The following PDE8B variants were observed in gnomAD, a reference collection of about 807,000 sequenced individuals.
The protein encoded by PDE8B is high affinity cAMP-specific and IBMX-insensitive 3',5'-cyclic phosphodiesterase 8B.
PDE8B carries 26 observed loss-of-function variants against 101.3 expected under a neutral mutation model. The observed-to-expected ratio is 0.26, with a 90% CI of 0.19 to 0.36. The LOEUF is 0.36. Ranked by LOEUF, PDE8B falls within the 10% of genes least tolerant of loss-of-function variation. The pLI, the probability that PDE8B is intolerant of heterozygous loss-of-function variation, is 1.00. For synonymous variants in PDE8B, 424 were observed against 429.3 expected, an observed-to-expected ratio of 0.99 and a Z score of 0.15; for missense variants, 810 against 1,163.1, an observed-to-expected ratio of 0.70 and a Z score of 4.42.
At chr5:77,248,565 C>T (rs1757432762) in intron 1 of PDE8B, among the ~76,000 whole-genome samples, 3 of 152,112 alleles carry the variant, frequency 2.0e-5, no homozygotes, top group South Asian at 2.1e-4. Context: ...GGAAAAAGTC[C>T]GTGTGTACCT....
chr5:77,418,799 C>T (rs1023808955), intron 18 of PDE8B, among the ~76,000 whole-genome samples: 5 of 152,150 alleles, frequency 3.3e-5, no homozygotes, highest in Admixed American at 6.5e-5. Flanking sequence ...GCTCAATTTC[C>T]GGCCGCTTAA....
chr5:77,255,107 G>C (rs1028331408), intron 1 of PDE8B, among the ~76,000 whole-genome samples: 2 of 152,110 alleles, frequency 1.3e-5, no homozygotes, highest in African/African-American at 4.8e-5. Flanking sequence ...CAACTTTTCA[G>C]CCCCTTCTTT....
intron 1 of PDE8B, among the ~76,000 whole-genome samples, chr5:77,304,937 T>A (rs372377423): frequency 6.6e-6 from 1 of 152,194 alleles, no homozygotes; most frequent in East Asian, 1.9e-4. Context: ...GCTGTCAATG[T>A]CTGGGTCCAG....
chr5:77,137,179 G>A, the PDE8B span, among the ~76,000 whole-genome samples: 5 of 152,164 alleles, frequency 3.3e-5, no homozygotes, highest in African/African-American at 7.2e-5. Flanking sequence ...GGAGAGATAA[G>A]GTCTTTTCTC....
chr5:77,213,910 C>T (rs1403717097), intron 1 of PDE8B: 1 of 146,242 alleles, frequency 6.8e-6, no homozygotes, highest in Non-Finnish European at 1.5e-5. Context: ...TTCCTGAATA[C>T]CTAATTTGCA....
chr5:77,257,944 C>G lies in PDE8B; in HGVS notation c.339+46680C>G, dbSNP rs147938744. ...GCAATTTGGGGAAAAATATTCAGGG[C>G]AAAAGAAAAGTGCAAGGATCCTGAG... On this transcript the variant is annotated intron_variant, in intron 1 of 21. Coordinates refer to ENST00000264917, the MANE Select transcript of PDE8B (RefSeq NM_003719.5). Among the ~76,000 whole-genome samples the G allele has an allele frequency of 2.0e-3, 309 of 152,124 alleles. 1 individual carries two copies. The highest frequency in any genetic ancestry group is 6.5e-3 in the African/African-American group (271 of 41,506).
chr5:77,168,493 T>G, the PDE8B span, among the ~76,000 whole-genome samples: 1 of 152,206 alleles, frequency 6.6e-6, no homozygotes, highest in Admixed American at 6.5e-5. Context: ...TGTGCCCTGG[T>G]GGGACCCCAC....
chr5:77,426,298 TAG>T, intron 21 of PDE8B, 145 bp from the exon 22 acceptor site: 8 of 683,612 alleles, frequency 1.2e-5, no homozygotes. Context: ...TTTCAGAAAC[TAG>T]TGTTTAATGA....
intron 10 of PDE8B, among the ~76,000 whole-genome samples, chr5:77,368,816 T>C (rs1784565809): frequency 6.6e-6 from 1 of 152,226 alleles, no homozygotes; most frequent in African/African-American, 2.4e-5. Flanking sequence ...CCTGTTCTAT[T>C]CTACTCTTAT....
the PDE8B span, among the ~76,000 whole-genome samples, chr5:77,171,037 G>C: frequency 6.6e-6 from 1 of 152,194 alleles, no homozygotes; most frequent in Non-Finnish European, 1.5e-5. Context: ...CGAATCAGGA[G>C]TATATGATAT....
At chr5:77,310,716 G>T (rs1361787488) in intron 1 of PDE8B, among the ~76,000 whole-genome samples, 1 of 152,156 alleles carries the variant, frequency 6.6e-6, no homozygotes, top group Non-Finnish European at 1.5e-5. Flanking sequence ...AGGAACCTCA[G>T]ATGAGCAGTC....
chr5:77,118,394 T>C, the PDE8B span: 3 of 398,578 alleles, frequency 7.5e-6, no homozygotes, highest in Admixed American at 1.3e-4. Flanking sequence ...GGAGCTTCTC[T>C]CTCAGCCTCA....
the PDE8B span, among the ~76,000 whole-genome samples, chr5:77,123,365 G>A: frequency 3.5e-5 from 3 of 85,702 alleles, no homozygotes; most frequent in Non-Finnish European, 5.5e-5. Context: ...CTCCCCCACC[G>A]CCCCCCGCTT....
intron 20 of PDE8B, 54 bp from the exon 21 acceptor site, chr5:77,425,713 C>T (rs1045338127): frequency 1.9e-6 from 3 of 1,580,766 alleles, no homozygotes; most frequent in Non-Finnish European, 2.6e-6. Context: ...CAGGATATTA[C>T]TGTGAAAGTG....
intron 5 of PDE8B, among the ~76,000 whole-genome samples, chr5:77,334,580 G>T (rs1329443083): frequency 6.6e-6 from 1 of 152,200 alleles, no homozygotes; most frequent in Non-Finnish European, 1.5e-5. Context: ...CTTTTGTGGA[G>T]TAGGAAGTGG....
In PDE8B at chr5:77,324,123, A is replaced by G. The variant is rs184699659; in HGVS notation, c.400-1416A>G. On this transcript the variant is annotated intron_variant, in intron 2 of 21. Transcript: ENST00000264917. The stretch of plus-strand genomic sequence containing the variant: ...CTTCATGTTGAGAAACTACCCTTCT[A>G]TTGTTAATTATTTAAACCAGACGTG... Among the ~76,000 whole-genome samples the G allele has an allele frequency of 9.9e-5, 15 of 152,212 alleles. No homozygotes were observed. In the East Asian group the frequency reaches 2.9e-3, roughly 29 times the overall value.
chr5:77,259,526 G>A (rs1349436087), intron 1 of PDE8B, among the ~76,000 whole-genome samples: 5 of 152,142 alleles, frequency 3.3e-5, no homozygotes, highest in Non-Finnish European at 5.9e-5. Flanking sequence ...TGGGAGGCCA[G>A]CCTCTCCTCC....
At chr5:77,179,630 G>A in the PDE8B span, among the ~76,000 whole-genome samples, 1 of 152,172 alleles carries the variant, frequency 6.6e-6, no homozygotes, top group Admixed American at 6.5e-5. Context: ...TTGGGTGGGG[G>A]GCGGCTCTAG....
upstream of PDE8B, among the ~76,000 whole-genome samples, chr5:77,207,070 C>T (rs538466814): frequency 1.3e-5 from 2 of 152,324 alleles, no homozygotes; most frequent in East Asian, 1.9e-4. Context: ...TTCCACTGTA[C>T]TGGACTGCCT....
Sources: gnomAD v4.1 joint callset for allele counts (sites outside exome capture counted in the v4.1 genomes callset) on GRCh38, gnomAD v4.1.1 for gene constraint, MANE v1.5 for transcripts, NCBI Gene and HGNC (gene_info 2026-07-23, HGNC 2026-07-21) for gene names.